Variants in METTL15 observed in about 807,000 individuals in gnomAD.
METTL15 encodes methyltransferase 15, mitochondrial 12S rRNA N4-cytidine, also known as 12S rRNA N(4)-cytidine methyltransferase METTL15.
Under a neutral mutation model 38.3 loss-of-function variants are expected in METTL15, and 34 were observed. That is an observed-to-expected ratio of 0.89 (90% CI 0.68 to 1.18). The LOEUF is 1.18. METTL15 is among the 50% of genes most tolerant of loss of function. METTL15 has a pLI of 0.00. For missense variants in METTL15, 438 were observed against 498.4 expected, an observed-to-expected ratio of 0.88 and a Z score of 1.15; for synonymous variants, 162 against 170.9, an observed-to-expected ratio of 0.95 and a Z score of 0.41.
intron 3 of METTL15, among the ~76,000 whole-genome samples, chr11:28,121,118 C>T (rs1353053510): frequency 1.3e-5 from 2 of 152,070 alleles, no homozygotes; most frequent in Admixed American, 1.3e-4. Flanking sequence ...TAATCTTATT[C>T]ATTCTACCTA....
intron 3 of METTL15, chr11:28,163,752 A>G (rs1444246125): frequency 1.4e-5 from 4 of 277,344 alleles, no homozygotes; most frequent in African/African-American, 2.2e-5. Context: ...ATTGTTGTTA[A>G]TTTTTTAAGT....
At chr11:28,306,501 T>A (rs1857087016) in intron 6 of METTL15, among the ~76,000 whole-genome samples, 1 of 152,060 alleles carries the variant, frequency 6.6e-6, no homozygotes, top group Non-Finnish European at 1.5e-5. Context: ...TGTACTGTCT[T>A]GTTTTTGATA....
chr11:28,489,783 A>G (rs1327409215), intron 6 of METTL15, among the ~76,000 whole-genome samples: 2 of 152,138 alleles, frequency 1.3e-5, no homozygotes, highest in Non-Finnish European at 2.9e-5. Context: ...AATATTAGTC[A>G]CTTTGCAAAG....
intron 3 of METTL15, among the ~76,000 whole-genome samples, chr11:28,188,911 G>A (rs996328440): frequency 6.6e-6 from 1 of 151,070 alleles, no homozygotes; most frequent in Non-Finnish European, 1.5e-5. Context: ...TTAAATAGTG[G>A]CATAAAAATA....
intron 3 of METTL15, among the ~76,000 whole-genome samples, chr11:28,146,198 G>A (rs1181598262): frequency 6.6e-6 from 1 of 151,762 alleles, no homozygotes; most frequent in Non-Finnish European, 1.5e-5. Flanking sequence ...ATATCCTTCC[G>A]GTCATCTAAA....
chr11:28,519,182 A>G (rs570918142), intron 6 of METTL15: 3 of 152,358 alleles, frequency 2.0e-5, no homozygotes, highest in African/African-American at 7.2e-5. Context: ...GCTTGTTTAA[A>G]TGCACCTTCC....
At chr11:28,309,259 C>T (rs923389764) in intron 6 of METTL15, among the ~76,000 whole-genome samples, 1 of 152,208 alleles carries the variant, frequency 6.6e-6, no homozygotes. Context: ...ACACAAATCT[C>T]GCTTTTGACT....
chr11:28,248,147 A>G (rs965837823), intron 4 of METTL15, among the ~76,000 whole-genome samples: 2 of 152,036 alleles, frequency 1.3e-5, no homozygotes, highest in African/African-American at 4.8e-5. Flanking sequence ...ATCCTTTGTA[A>G]TCGGTTGAAA....
chr11:28,333,609 A>G (rs1350976411), downstream of METTL15: 27 of 152,220 alleles, frequency 1.8e-4, no homozygotes, highest in East Asian at 4.8e-3. Context: ...AATAAAATTT[A>G]ATAACTACAA....
chr11:28,314,030 T>C (rs1857395639), intron 6 of METTL15, among the ~76,000 whole-genome samples: 1 of 152,142 alleles, frequency 6.6e-6, no homozygotes, highest in South Asian at 2.1e-4. Flanking sequence ...AAATAAAAGT[T>C]GGAGGAGGAA....
chr11:28,389,168 A>G (rs1394810601), intron 5 of METTL15, among the ~76,000 whole-genome samples: 1 of 151,936 alleles, frequency 6.6e-6, no homozygotes, highest in African/African-American at 2.4e-5. Context: ...TTATAGCAGC[A>G]TGATTTATAA....
intron 6 of METTL15, 91 bp from the exon 7 acceptor site, chr11:28,330,305 T>A (rs932145783): frequency 1.7e-6 from 2 of 1,167,232 alleles, no homozygotes; most frequent in Non-Finnish European, 1.2e-6. Flanking sequence ...GTTCACTAAA[T>A]ATGCACACAA....
chr11:28,186,232 A>G (rs990511856), intron 3 of METTL15, among the ~76,000 whole-genome samples: 2 of 151,198 alleles, frequency 1.3e-5, no homozygotes, highest in Non-Finnish European at 3.0e-5. Flanking sequence ...ATTTTGTAAG[A>G]TGTTTCAGGG....
chr11:28,501,388 A>G (rs1343612166), intron 6 of METTL15, among the ~76,000 whole-genome samples: 1 of 152,110 alleles, frequency 6.6e-6, no homozygotes, highest in Non-Finnish European at 1.5e-5. Flanking sequence ...AAGTGGAAAG[A>G]AAGCATGAAT....
intron 6 of METTL15, among the ~76,000 whole-genome samples, chr11:28,499,784 G>T (rs192760420): frequency 1.3e-5 from 2 of 152,150 alleles, no homozygotes; most frequent in African/African-American, 4.8e-5. Flanking sequence ...AAATTTCAGT[G>T]TCCAAGTTTC....
At chr11:28,327,116 A>G (rs1351750052) in intron 6 of METTL15, among the ~76,000 whole-genome samples, 1 of 152,190 alleles carries the variant, frequency 6.6e-6, no homozygotes, top group African/African-American at 2.4e-5. Flanking sequence ...CCCCCAGAGA[A>G]GTACCAAAAA....
At chr11:28,312,692 G>A (rs1252130957) in intron 6 of METTL15, among the ~76,000 whole-genome samples, 6 of 152,162 alleles carry the variant, frequency 3.9e-5, no homozygotes, top group African/African-American at 1.2e-4. Context: ...AAATCAAAGA[G>A]CAGCATCTAG....
chr11:28,145,397 C>T (rs1212949083), intron 3 of METTL15: 1 of 151,836 alleles, frequency 6.6e-6, no homozygotes, highest in Admixed American at 6.6e-5. Flanking sequence ...TTTCATATGG[C>T]ATGAAAAAAT....
At chr11:28,493,989 T>C (rs556272527) in intron 6 of METTL15, among the ~76,000 whole-genome samples, 1 of 152,360 alleles carries the variant, frequency 6.6e-6, no homozygotes, top group South Asian at 2.1e-4. Flanking sequence ...TGGCATGATA[T>C]AGTGGAAAGA....
Sources: allele counts gnomAD v4.1 joint callset (sites outside exome capture counted in the v4.1 genomes callset), GRCh38; gene constraint gnomAD v4.1.1; transcripts MANE v1.5; gene names NCBI Gene and HGNC (gene_info 2026-07-23, HGNC 2026-07-21).